AFG2A: variants seen among roughly 807,000 people sequenced by gnomAD.
AFG2A encodes ATPase family gene 2 protein homolog A.
At chr4:122,928,898 G>T in the AFG2A span, 2 of 977,840 alleles carry the variant, frequency 2.0e-6, no homozygotes, top group South Asian at 2.0e-5. Flanking sequence ...ATTGCAATTG[G>T]TATCAGATTG....
chr4:123,055,209 CT>C, the AFG2A span, among the ~76,000 whole-genome samples: 1 of 152,198 alleles, frequency 6.6e-6, no homozygotes, highest in Non-Finnish European at 1.5e-5. Flanking sequence ...CTTAAGAGCT[CT>C]TCTACAACAA....
chr4:123,162,649 C>A, the AFG2A span, among the ~76,000 whole-genome samples: 1 of 151,950 alleles, frequency 6.6e-6, no homozygotes, highest in African/African-American at 2.4e-5. Context: ...TTTAGGTTAC[C>A]TATGTATAAA....
chr4:122,948,620 G>A, the AFG2A span, among the ~76,000 whole-genome samples: 3 of 152,158 alleles, frequency 2.0e-5, no homozygotes, highest in African/African-American at 7.2e-5. Flanking sequence ...GCCAAAGAAG[G>A]GACCCAGAGC....
chr4:123,122,925 T>C, the AFG2A span, among the ~76,000 whole-genome samples: 2 of 152,146 alleles, frequency 1.3e-5, no homozygotes, highest in Non-Finnish European at 2.9e-5. Flanking sequence ...TTCCATTATT[T>C]TATCAATTTT....
the AFG2A span, among the ~76,000 whole-genome samples, chr4:123,189,708 A>G: frequency 2.0e-5 from 3 of 152,036 alleles, no homozygotes; most frequent in African/African-American, 7.2e-5. Flanking sequence ...CTAATCTGTG[A>G]AAAGATGCCT....
At chr4:123,062,209 T>C in the AFG2A span, among the ~76,000 whole-genome samples, 2 of 152,194 alleles carry the variant, frequency 1.3e-5, no homozygotes, top group Non-Finnish European at 2.9e-5. Context: ...GCTCGTCATG[T>C]GTTACTTAAT....
the AFG2A span, among the ~76,000 whole-genome samples, chr4:123,138,975 A>G: frequency 1.3e-5 from 2 of 152,214 alleles, no homozygotes; most frequent in South Asian, 4.1e-4. Context: ...TGAAATGGGA[A>G]TACTCTTTAC....
At chr4:123,063,702 C>T in the AFG2A span, among the ~76,000 whole-genome samples, 23 of 151,240 alleles carry the variant, frequency 1.5e-4, no homozygotes, top group East Asian at 7.7e-4. Context: ...GCTGAGATCG[C>T]GCCACTGCAC....
the AFG2A span, among the ~76,000 whole-genome samples, chr4:122,928,802 T>C: frequency 5.9e-5 from 9 of 152,236 alleles, no homozygotes; most frequent in African/African-American, 1.9e-4. Context: ...TCTTGATCTT[T>C]AGAAAAAGAT....
At chr4:123,159,320 C>T in the AFG2A span, among the ~76,000 whole-genome samples, 1 of 152,098 alleles carries the variant, frequency 6.6e-6, no homozygotes, top group South Asian at 2.1e-4. Flanking sequence ...CACTTAATTA[C>T]AGTTTTAATA....
At chr4:122,923,143 A>T in the AFG2A span, 2 of 1,614,182 alleles carry the variant, frequency 1.2e-6, no homozygotes, top group Non-Finnish European at 1.7e-6. Flanking sequence ...CCTTGTGACC[A>T]TGTCTTCCAA....
At chr4:122,963,052 A>G in the AFG2A span, among the ~76,000 whole-genome samples, 1 of 152,228 alleles carries the variant, frequency 6.6e-6, no homozygotes, top group African/African-American at 2.4e-5. Flanking sequence ...AGCTGTAGAA[A>G]GAATGAAATC....
At chr4:122,940,812 A>C in the AFG2A span, among the ~76,000 whole-genome samples, 2 of 151,216 alleles carry the variant, frequency 1.3e-5, no homozygotes, top group Non-Finnish European at 3.0e-5. Context: ...TTTTTGTATA[A>C]GGTGTAAGGA....
chr4:123,217,380 A>G, the AFG2A span, among the ~76,000 whole-genome samples: 1 of 152,226 alleles, frequency 6.6e-6, no homozygotes, highest in Non-Finnish European at 1.5e-5. Flanking sequence ...ATGATGATCT[A>G]AAGGAGTATT....
At chr4:122,948,567 T>C in the AFG2A span, among the ~76,000 whole-genome samples, 1 of 152,148 alleles carries the variant, frequency 6.6e-6, no homozygotes, top group African/African-American at 2.4e-5. Flanking sequence ...AGTGTCATGC[T>C]GGACCCCTAT....
the AFG2A span, chr4:122,929,058 A>G: frequency 1.2e-6 from 2 of 1,613,836 alleles, no homozygotes; most frequent in Non-Finnish European, 1.7e-6. Context: ...AGCCTGGCCT[A>G]TGGCAGGATT....
At chr4:123,114,411 C>T in the AFG2A span, among the ~76,000 whole-genome samples, 1 of 152,194 alleles carries the variant, frequency 6.6e-6, no homozygotes, top group African/African-American at 2.4e-5. Context: ...TGCCAAGGAG[C>T]ACCCACAGGC....
chr4:123,301,531 A>G, the AFG2A span, among the ~76,000 whole-genome samples: 2 of 152,232 alleles, frequency 1.3e-5, no homozygotes, highest in Non-Finnish European at 2.9e-5. Flanking sequence ...ATTTATTTAT[A>G]TGCTAGATGG....
At chr4:123,150,922 T>C in the AFG2A span, among the ~76,000 whole-genome samples, 1 of 152,100 alleles carries the variant, frequency 6.6e-6, no homozygotes, top group Non-Finnish European at 1.5e-5. Context: ...AAAACAGATA[T>C]ATAGACCAAT....
Sources: allele counts gnomAD v4.1 joint callset (sites outside exome capture counted in the v4.1 genomes callset), GRCh38; gene constraint gnomAD v4.1.1; transcripts MANE v1.5; gene names NCBI Gene and HGNC (gene_info 2026-07-23, HGNC 2026-07-21).